Variants in SCUBE3 observed in about 807,000 individuals in gnomAD.
SCUBE3 encodes the protein signal peptide, CUB and EGF-like domain-containing protein 3.
A neutral mutation model predicts 116.8 loss-of-function variants in SCUBE3; 33 were observed. That is an observed-to-expected ratio of 0.28 (90% CI 0.21 to 0.38). SCUBE3 has a LOEUF of 0.38. Ranked by LOEUF, SCUBE3 falls within the 10% of genes least tolerant of loss-of-function variation. SCUBE3 has a pLI of 1.00. For synonymous variants in SCUBE3, 418 were observed against 496.9 expected (o/e 0.84, Z 2.11); for missense variants, 1,007 against 1,324.8 (o/e 0.76, Z 3.72).
In SCUBE3 at chr6:35,241,044, C is replaced by A; in HGVS notation, c.1070-97C>A. The stretch of plus-strand genomic sequence containing the variant: ...TATTCATCTTGCGTAATGCAGGGTA[C>A]CTGAAACTCTAACCAAAGGCCCTCA... On this transcript the variant is annotated intron_variant, in intron 9 of 21. Transcript: ENST00000274938. This position sits in a 1 kb window ranked among gnomAD's most constrained non-coding sequence, Gnocchi z 4.1. 8.3e-7 allele frequency: 1 copy of A among 1,203,842 alleles called. No individual in the cohort carries two copies. Among genetic ancestry groups the A allele is most frequent in the Non-Finnish European group, 1.2e-6 (1 of 847,668 alleles). 74.6% of individuals were successfully genotyped at this position (1,203,842 alleles called of 1,614,324 possible).
rs1784494979 is a variant in SCUBE3, at chr6:35,249,935, T to G, written c.*1230T>G. 6.5e-6 allele frequency: 1 copy of G among 152,752 alleles called. No homozygotes were observed. The highest frequency in any genetic ancestry group is 1.5e-5 in the Non-Finnish European group (1 of 68,100). The allele number at this position is 152,752 out of a possible 1,614,324, so 9.5% of individuals were successfully genotyped here. A position where few individuals can be genotyped will look rare whatever the true frequency, so the allele number is the denominator to read the frequency against. On this transcript the variant is annotated 3_prime_UTR_variant, in exon 22 of 22. Transcript: ENST00000274938. ...CGGAGGGGTTTTTGTTTTCTGGGTT[T>G]GTTTTTTGTTTTTGTTTCTTCTTCC...
rs1265201741 is a variant in SCUBE3 at position 35,250,555 on chromosome 6, G to A, written c.*1850G>A. 6.6e-6 allele frequency: 1 copy of A among 152,148 alleles called. No homozygotes were observed. Among genetic ancestry groups the A allele is most frequent in the African/African-American group, 2.4e-5 (1 of 41,422 alleles). The allele number at this position is 152,148 out of a possible 1,614,324, so 9.4% of individuals were successfully genotyped here. On this transcript the variant is annotated 3_prime_UTR_variant, in exon 22 of 22. Coordinates refer to ENST00000274938, the MANE Select transcript of SCUBE3 (RefSeq NM_152753.4). Reference sequence around the variant, plus strand: ...AGAAGGAAGAAAGAATCAAATGGAAGAAGAATCAAGTCCATGCCCAAGCCC... The same window carrying A: ...AGAAGGAAGAAAGAATCAAATGGAAAAAGAATCAAGTCCATGCCCAAGCCC...
At chr6:35,221,406 A>G (rs1201446192) in intron 1 of SCUBE3, 1 of 152,236 alleles carries the variant, frequency 6.6e-6, no homozygotes, top group Non-Finnish European at 1.5e-5. Flanking sequence ...CCCATCCAGA[A>G]CAGTTGTGGG....
In SCUBE3 at chr6:35,231,925, C is replaced by G; in HGVS notation, c.469+66C>G. 1.4e-6 allele frequency: 2 copies of G among 1,424,056 alleles called. No individual in the cohort carries two copies. Among genetic ancestry groups the G allele is most frequent in the Non-Finnish European group, 1.9e-6 (2 of 1,034,102 alleles). 88.2% of individuals were successfully genotyped at this position (1,424,056 alleles called of 1,614,324 possible). ...CAGGCTTCTCTTCCCAGCTGTCCCT[C>G]AGCAGCCCCTAAGTCTCACCCTCCA... is the stretch of plus-strand genomic sequence containing the variant. On this transcript the variant is annotated intron_variant, in intron 4 of 21. Coordinates refer to ENST00000274938, the MANE Select transcript of SCUBE3 (RefSeq NM_152753.4). This position sits in a 1 kb window ranked among gnomAD's most constrained non-coding sequence, Gnocchi z 4.2.
intron 1 of SCUBE3, among the ~76,000 whole-genome samples, chr6:35,218,948 A>G (rs894799232): frequency 6.6e-6 from 1 of 152,178 alleles, no homozygotes; most frequent in African/African-American, 2.4e-5. Context: ...GTAAAATATC[A>G]GTAGGGTTCC....
intron 3 of SCUBE3, among the ~76,000 whole-genome samples, chr6:35,230,424 G>C (rs977033021): frequency 6.6e-6 from 1 of 152,226 alleles, no homozygotes; most frequent in Non-Finnish European, 1.5e-5. Flanking sequence ...AGGGTTCAAA[G>C]TCTCAATACT....
chr6:35,246,131 G>A, intron 20 of SCUBE3, 35 bp downstream of exon 20: 1 of 1,613,544 alleles, frequency 6.2e-7, no homozygotes, highest in Non-Finnish European at 8.5e-7. Context: ...GGGGAGGTAT[G>A]TCAGTTTTGA....
intron 1 of SCUBE3, among the ~76,000 whole-genome samples, chr6:35,220,143 G>A (rs1028225281): frequency 2.6e-5 from 4 of 152,202 alleles, no homozygotes; most frequent in African/African-American, 9.7e-5. Flanking sequence ...GGTGGAGTTG[G>A]GGGAGGTACA....
Position 35,228,885 on chromosome 6 carries a change from C to A in SCUBE3, c.334+146C>A. 1 of 831,582 alleles carries A rather than the reference C, an allele frequency of 1.2e-6. No homozygotes were observed. Among genetic ancestry groups the A allele is most frequent in the Non-Finnish European group, 2.0e-6 (1 of 512,436 alleles). The allele number at this position is 831,582 out of a possible 1,614,324, so 51.5% of individuals were successfully genotyped here. A position where few individuals can be genotyped will look rare whatever the true frequency, so the allele number is the denominator to read the frequency against. ...AATAAGGTCAGCCTCCCCTTTGAGA[C>A]TGGCCACTTAGGATGAAAAATCCTG... On this transcript the variant is annotated intron_variant, in intron 3 of 21. Transcript: ENST00000274938. The surrounding 1 kb of genome is among the most constrained non-coding windows in gnomAD (Gnocchi z 4.9).
At chr6:35,242,060 C>T (rs1247242569) in intron 12 of SCUBE3, 144 bp from the exon 13 acceptor site, 1 of 835,932 alleles carries the variant, frequency 1.2e-6, no homozygotes, top group African/African-American at 1.7e-5. Flanking sequence ...CTCCCTCTGC[C>T]CTAACATCTG....
chr6:35,246,127 G>C, intron 20 of SCUBE3, 31 bp downstream of exon 20: 1 of 1,613,536 alleles, frequency 6.2e-7, no homozygotes, highest in East Asian at 2.2e-5. Context: ...AGAAGGGGAG[G>C]TATGTCAGTT....
In SCUBE3 at chr6:35,234,499, A is replaced by G. The variant is rs558187927; in HGVS notation, c.712+1198A>G. Among the ~76,000 whole-genome samples, 30 of 152,092 alleles carry G rather than the reference A, an allele frequency of 2.0e-4. No individual in the cohort carries two copies. The East Asian group carries it at 4.1e-3, about 21-fold the overall frequency. On this transcript the variant is annotated intron_variant, in intron 6 of 21. Coordinates refer to ENST00000274938, the MANE Select transcript of SCUBE3 (RefSeq NM_152753.4). ...ATTTCTAAAGTCCCTATATAATTAA[A>G]ATCTCCCCTGCCACGTTTCCCTCTG...
Position 35,232,112 on chromosome 6 carries a change from C to A in SCUBE3, c.469+253C>A, listed in dbSNP as rs1478039237. ...CTATGGAGTATCCTCTGTGTCCAGA[C>A]CTGAGGTGGATGTTGTCCCTAATTG... On this transcript the variant is annotated intron_variant, in intron 4 of 21. Transcript: ENST00000274938. This position sits in a 1 kb window ranked among gnomAD's most constrained non-coding sequence, Gnocchi z 4.2. 2.0e-5 allele frequency among the ~76,000 whole-genome samples: 3 copies of A among 152,166 alleles called. No individual in the cohort carries two copies. The highest frequency in any genetic ancestry group is 4.4e-5 in the Non-Finnish European group (3 of 68,030).
At position 35,248,588 on chromosome 6, in the gene SCUBE3, G is replaced by T. The variant is rs202227690; in HGVS notation, c.2865G>T (p.Val955=). Residue 955 remains valine (V), a synonymous_variant, in exon 22 of 22, where the codon GTG becomes GTT. Transcript: ENST00000274938. ...AGCTCATCAAGGCCTTCTTTGAGGT[G>T]CTAGCCCACCCCCAGAACTACTTCA... ...DKKLIKAFFE[V]LAHPQNYFKY... is the part of the protein sequence containing the mutation. 6.2e-7 allele frequency: 1 copy of T among 1,614,076 alleles called. No individual in the cohort carries two copies. The highest frequency in any genetic ancestry group is 2.2e-5 in the East Asian group (1 of 44,882).
Position 35,251,450 on chromosome 6 carries a change from C to T in SCUBE3, c.*2745C>T, listed in dbSNP as rs1784554151. Reference sequence around the variant, plus strand: ...ACAGGCATGAGCCACCGCGCCCAGCCTAGGATAACTTTCTGATTCCTCTCT... The same window carrying T: ...ACAGGCATGAGCCACCGCGCCCAGCTTAGGATAACTTTCTGATTCCTCTCT... On this transcript the variant is annotated 3_prime_UTR_variant, in exon 22 of 22. Transcript: ENST00000274938. The T allele has an allele frequency of 6.6e-6, 1 of 152,360 alleles. No individual in the cohort carries two copies. Among genetic ancestry groups the T allele is most frequent in the African/African-American group, 2.4e-5 (1 of 41,572 alleles). 9.4% of individuals were successfully genotyped at this position (152,360 alleles called of 1,614,324 possible). A position where few individuals can be genotyped will look rare whatever the true frequency, so the allele number is the denominator to read the frequency against.
intron 1 of SCUBE3, among the ~76,000 whole-genome samples, chr6:35,217,652 A>G (rs1235748536): frequency 1.3e-5 from 2 of 151,644 alleles, no homozygotes; most frequent in Non-Finnish European, 2.9e-5. Flanking sequence ...CAGCTCTTAC[A>G]GTGAGGGGAC....
At chr6:35,215,367 G>T (rs946645679) in intron 1 of SCUBE3, among the ~76,000 whole-genome samples, 1 of 152,138 alleles carries the variant, frequency 6.6e-6, no homozygotes, top group Admixed American at 6.5e-5. Flanking sequence ...CAGAGACTAG[G>T]CTGATGTACT....
Position 35,235,559 on chromosome 6 carries a change from G to A in SCUBE3, c.712+2258G>A. 1 of 932,742 alleles carries A rather than the reference G, an allele frequency of 1.1e-6. No homozygotes were observed. Among genetic ancestry groups the A allele is most frequent in the South Asian group, 1.4e-5 (1 of 73,348 alleles). The allele number at this position is 932,742 out of a possible 1,614,324, so 57.8% of individuals were successfully genotyped here. ...CTAGGGGAAGGGCTAACCCGCTGGG[G>A]CTCCCACTAACTGCATGCCCACTGG... On this transcript the variant is annotated intron_variant, in intron 6 of 21. Transcript: ENST00000274938. The surrounding 1 kb of genome is among the most constrained non-coding windows in gnomAD (Gnocchi z 4.5).
At position 35,217,223 on chromosome 6, in the gene SCUBE3, GGGGGGGGGGGGGGCGGGGGGGA is replaced by G. The variant is rs1562039585; in HGVS notation, c.85+2723_85+2744del. Among the ~76,000 whole-genome samples, 3 of 5,240 alleles carry G rather than the reference GGGGGGGGGGGGGGCGGGGGGGA, an allele frequency of 5.7e-4. 1 individual carries two copies. The highest frequency in any genetic ancestry group is 1.4e-3 in the African/African-American group (3 of 2,092). 3.4% of individuals were successfully genotyped at this position (5,240 alleles called of 152,430 possible). On this transcript the variant is annotated intron_variant, in intron 1 of 21. Coordinates refer to ENST00000274938, the MANE Select transcript of SCUBE3 (RefSeq NM_152753.4). ...TTTGGTAAGGGGGTGGGTGTTTGGC[GGGGGGGGGGGGGGCGGGGGGGA>G]GGCGCGGCGGGGGGGGGGGTGTGTG...
Sources: allele counts gnomAD v4.1 joint callset (sites outside exome capture counted in the v4.1 genomes callset), GRCh38; gene constraint gnomAD v4.1.1; non-coding constraint Gnocchi (gnomAD v3.1); transcripts MANE v1.5; gene names NCBI Gene and HGNC (gene_info 2026-07-23, HGNC 2026-07-21).